The following HDAC9 variants were observed in gnomAD, a reference collection of about 807,000 sequenced individuals.
HDAC9 encodes the protein MEF-2 interacting transcription repressor (MITR) protein.
HDAC9 carries 41 observed loss-of-function variants against 139.4 expected under a neutral mutation model. The ratio of observed to expected loss-of-function variants is 0.29; its 90% confidence interval spans 0.23 to 0.38. The LOEUF is 0.38. Ranked by LOEUF, HDAC9 falls within the 10% of genes least tolerant of loss-of-function variation. The pLI is 1.00. For synonymous variants in HDAC9, 517 were observed against 476.2 expected (o/e 1.09, Z -1.12); for missense variants, 1,147 against 1,297.0 (o/e 0.88, Z 1.78).
chr7:18,718,712 C>T (rs899732693), intron 12 of HDAC9, among the ~76,000 whole-genome samples: 1 of 152,094 alleles, frequency 6.6e-6, no homozygotes, highest in African/African-American at 2.4e-5. Flanking sequence ...TGGGCTTTCA[C>T]GAATAGTGCT....
chr7:18,807,537 G>T (rs1275131198), intron 17 of HDAC9, among the ~76,000 whole-genome samples: 1 of 151,564 alleles, frequency 6.6e-6, no homozygotes, highest in African/African-American at 2.4e-5. Context: ...GTTTATTTGA[G>T]ATCTTTCTTT....
rs112905049 is a variant in HDAC9 at position 18,685,390 on chromosome 7, A to G, written c.1731+18914A>G. Among the ~76,000 whole-genome samples the G allele has an allele frequency of 2.6e-4, 40 of 151,874 alleles. 2 individuals carry two copies. The highest frequency in any genetic ancestry group is 9.6e-4 in the African/African-American group (40 of 41,470). On this transcript the variant is annotated intron_variant, in intron 12 of 25. Coordinates refer to ENST00000686413, the MANE Select transcript of HDAC9 (RefSeq NM_178425.4). ...TTTTTTTGTTCTTGGCCAGCTATACAATTTCTAGGTGTTCTATGCCTCAGT... is the reference window on the plus strand; with the variant it reads ...TTTTTTTGTTCTTGGCCAGCTATACGATTTCTAGGTGTTCTATGCCTCAGT...
chr7:18,612,482 A>G (rs554125752), intron 6 of HDAC9, among the ~76,000 whole-genome samples: 44 of 152,100 alleles, frequency 2.9e-4, no homozygotes, highest in African/African-American at 1.1e-3. Flanking sequence ...AGGGGTGGGG[A>G]AGGACAGATA....
At position 18,954,136 on chromosome 7, in the gene HDAC9, ATTC is replaced by A; in HGVS notation, c.2938-7_2938-5del. 6.5e-7 allele frequency: 1 copy of A among 1,538,868 alleles called. No individual in the cohort carries two copies. The highest frequency in any genetic ancestry group is 1.2e-5 in the South Asian group (1 of 83,964). ...TATTCTGCTCATACTATTATCTACTATTCTTGCAGCTGGAGCCACTTGCAGAAG... is the reference window on the plus strand; with the variant it reads ...TATTCTGCTCATACTATTATCTACTATTGCAGCTGGAGCCACTTGCAGAAG... On this transcript the variant is annotated splice_polypyrimidine_tract_variant and splice_region_variant and intron_variant, in intron 23 of 25. Transcript: ENST00000686413.
chr7:18,653,993 T>C (rs1439240658), intron 11 of HDAC9, among the ~76,000 whole-genome samples: 2 of 152,122 alleles, frequency 1.3e-5, no homozygotes, highest in Non-Finnish European at 2.9e-5. Flanking sequence ...TGCCTGTGTG[T>C]GTGTTAATGT....
At chr7:18,162,459 AC>A in intron 2 of HDAC9, 2 of 962,108 alleles carry the variant, frequency 2.1e-6, no homozygotes, top group Non-Finnish European at 3.1e-6. Flanking sequence ...TTTTTTTTGG[AC>A]AAAGATTGCT....
chr7:18,805,917 A>T (rs1376577988), intron 17 of HDAC9, among the ~76,000 whole-genome samples: 1 of 152,130 alleles, frequency 6.6e-6, no homozygotes, highest in African/African-American at 2.4e-5. Context: ...ATAAACTATA[A>T]ATTATATAGC....
intron 1 of HDAC9, among the ~76,000 whole-genome samples, chr7:18,362,050 G>T (rs532562890): frequency 6.6e-6 from 1 of 152,308 alleles, no homozygotes; most frequent in South Asian, 2.1e-4. Context: ...AGTCACCAGA[G>T]GGGGAGCAAA....
At chr7:18,754,934 C>T (rs532511156) in intron 14 of HDAC9, among the ~76,000 whole-genome samples, 65 of 152,166 alleles carry the variant, frequency 4.3e-4, no homozygotes, top group Non-Finnish European at 6.2e-4. Context: ...GACTGCAAAG[C>T]GCTGAAAACT....
intron 22 of HDAC9, among the ~76,000 whole-genome samples, chr7:18,878,257 C>A (rs1799470047): frequency 6.6e-6 from 1 of 152,076 alleles, no homozygotes; most frequent in Admixed American, 6.6e-5. Context: ...TCTTCCCTTT[C>A]AACACATACA....
intron 23 of HDAC9, among the ~76,000 whole-genome samples, chr7:18,939,140 G>C (rs1781854127): frequency 6.6e-6 from 1 of 152,162 alleles, no homozygotes; most frequent in Admixed American, 6.5e-5. Flanking sequence ...CTTTTGGTTG[G>C]TGGTCTTCAG....
chr7:18,157,083 C>A (rs1459534050), intron 1 of HDAC9, among the ~76,000 whole-genome samples: 8 of 152,100 alleles, frequency 5.3e-5, no homozygotes, highest in Non-Finnish European at 1.0e-4. Flanking sequence ...AACCAACCAA[C>A]CAGAAAAACC....
intron 22 of HDAC9, among the ~76,000 whole-genome samples, chr7:18,875,392 A>G (rs2129248178): frequency 6.6e-6 from 1 of 152,306 alleles, no homozygotes; most frequent in Admixed American, 6.5e-5. Flanking sequence ...GGAGCATTGC[A>G]AAGCAGACAA....
chr7:18,746,733 G>A (rs903083087), intron 13 of HDAC9, among the ~76,000 whole-genome samples: 2 of 152,074 alleles, frequency 1.3e-5, no homozygotes, highest in African/African-American at 4.8e-5. Flanking sequence ...TTGAGGACCG[G>A]CTTTATTTAA....
chr7:18,745,758 G>A (rs1787897488), intron 13 of HDAC9, among the ~76,000 whole-genome samples: 1 of 151,606 alleles, frequency 6.6e-6, no homozygotes. Flanking sequence ...TTGTTAGCCA[G>A]GTTGGTCTCG....
In HDAC9 at chr7:18,732,888, TGTGTACACAC is replaced by T. The variant is rs1421265785; in HGVS notation, c.1909+5132_1909+5141del. On this transcript the variant is annotated intron_variant, in intron 13 of 25. Transcript: ENST00000686413. ...ATGTGTACACACACACGTGTGCGTA[TGTGTACACAC>T]ACACGTGTGCGTATGTGTATACACA... 2.7e-5 allele frequency among the ~76,000 whole-genome samples: 3 copies of T among 109,948 alleles called. 1 individual carries two copies. Among genetic ancestry groups the T allele is most frequent in the African/African-American group, 1.2e-4 (3 of 25,252 alleles). The allele number at this position is 109,948 out of a possible 152,430, so 72.1% of individuals were successfully genotyped here.
At position 18,990,451 on chromosome 7, in the gene HDAC9, T is replaced by A. The variant is rs538588088; in HGVS notation, c.3171-5572T>A. ...CTGGGAGAGCCACTGCTCTCTTCAA[T>A]GCTGTCAGACAGGGACATTTAAGTC... On this transcript the variant is annotated intron_variant, in intron 25 of 25. Coordinates refer to ENST00000686413, the MANE Select transcript of HDAC9 (RefSeq NM_178425.4). Among the ~76,000 whole-genome samples, 21 of 152,338 alleles carry A rather than the reference T, an allele frequency of 1.4e-4. No homozygotes were observed. In the South Asian group the frequency reaches 1.9e-3, roughly 14 times the overall value.
intron 12 of HDAC9, among the ~76,000 whole-genome samples, chr7:18,689,135 A>G (rs1782489774): frequency 1.4e-5 from 2 of 145,948 alleles, no homozygotes; most frequent in Admixed American, 1.4e-4. Flanking sequence ...CCATTAAAAC[A>G]TTAAAATGGG....
intron 1 of HDAC9, among the ~76,000 whole-genome samples, chr7:18,133,747 A>C (rs1785185276): frequency 6.6e-6 from 1 of 152,142 alleles, no homozygotes; most frequent in Non-Finnish European, 1.5e-5. Flanking sequence ...AAAATGGGAA[A>C]GCAACATGTT....
Sources: gnomAD v4.1 joint callset for allele counts (sites outside exome capture counted in the v4.1 genomes callset) on GRCh38, gnomAD v4.1.1 for gene constraint, MANE v1.5 for transcripts, NCBI Gene and HGNC (gene_info 2026-07-23, HGNC 2026-07-21) for gene names.